ARHGAP15: variants seen among roughly 807,000 people sequenced by gnomAD.
ARHGAP15 encodes the protein rho GTPase-activating protein 15.
In ARHGAP15, 51 loss-of-function variants were observed where a neutral mutation model predicts 63.7. That is an observed-to-expected ratio of 0.80 (90% CI 0.64 to 1.01). The LOEUF (loss-of-function observed/expected upper bound fraction) is 1.01. Ranked by LOEUF, ARHGAP15 falls within the 50% of genes least tolerant of loss-of-function variation. ARHGAP15 has a pLI of 0.00. For missense variants in ARHGAP15, 560 were observed against 564.6 expected, an observed-to-expected ratio of 0.99 and a Z score of 0.08; for synonymous variants, 191 against 193.8, an observed-to-expected ratio of 0.99 and a Z score of 0.12.
intron 8 of ARHGAP15, among the ~76,000 whole-genome samples, chr2:143,466,218 T>C (rs910067660): frequency 1.3e-5 from 2 of 152,084 alleles, no homozygotes; most frequent in Non-Finnish European, 2.9e-5. Context: ...TACTTCTATA[T>C]AGGAGGACAA....
chr2:143,672,413 C>A (rs73961828), intron 12 of ARHGAP15, among the ~76,000 whole-genome samples: 7,426 of 152,200 alleles, frequency 0.049, 626 homozygotes, highest in African/African-American at 0.17. Context: ...AAGAGCCCAA[C>A]TATGAGACAA....
intron 11 of ARHGAP15, among the ~76,000 whole-genome samples, chr2:143,566,482 T>A (rs559947369): frequency 2.6e-5 from 4 of 152,170 alleles, no homozygotes; most frequent in African/African-American, 9.6e-5. Context: ...GCATGGACAT[T>A]GCAATCTATC....
rs1553520615 is a variant in ARHGAP15, at chr2:143,673,758, G to GTGTATATATATATATATA, written c.1139-29660_1139-29659insGTATATATATATATATAT. ...TGTGTGTGTGTGTGTGTGTGTGTGT[G>GTGTATATATATATATATA]TATATATATATATATATATATATAT... is the stretch of plus-strand genomic sequence containing the variant. On this transcript the variant is annotated intron_variant, in intron 12 of 13. Transcript: ENST00000295095. Among the ~76,000 whole-genome samples, 88 of 22,104 alleles carry GTGTATATATATATATATA rather than the reference G, an allele frequency of 4.0e-3. 1 individual carries two copies. Among genetic ancestry groups the GTGTATATATATATATATA allele is most frequent in the South Asian group, 8.2e-3 (2 of 244 alleles). 14.5% of individuals were successfully genotyped at this position (22,104 alleles called of 152,430 possible).
intron 9 of ARHGAP15, among the ~76,000 whole-genome samples, chr2:143,487,738 C>G (rs150905583): frequency 6.6e-6 from 1 of 152,218 alleles, no homozygotes; most frequent in Admixed American, 6.5e-5. Flanking sequence ...GATCTGTGTT[C>G]TGCACTAGGA....
chr2:143,255,540 A>T (rs1405932028), intron 6 of ARHGAP15, among the ~76,000 whole-genome samples: 1 of 152,044 alleles, frequency 6.6e-6, no homozygotes, highest in African/African-American at 2.4e-5. Context: ...GATCTTTCTG[A>T]TCTGAATATG....
At chr2:143,368,459 A>G (rs1383301706) in intron 6 of ARHGAP15, among the ~76,000 whole-genome samples, 1 of 152,050 alleles carries the variant, frequency 6.6e-6, no homozygotes, top group Non-Finnish European at 1.5e-5. Flanking sequence ...TTTTACTAAG[A>G]CATTTGGAAT....
intron 6 of ARHGAP15, among the ~76,000 whole-genome samples, chr2:143,347,835 A>T (rs116346399): frequency 0.017 from 2,441 of 142,246 alleles, 64 homozygotes; most frequent in African/African-American, 0.059. Context: ...TTTTTTTGGC[A>T]CCATTTGAAA....
chr2:143,131,009 CA>C (rs1485599473), intron 1 of ARHGAP15, among the ~76,000 whole-genome samples: 3 of 152,000 alleles, frequency 2.0e-5, no homozygotes, highest in Admixed American at 6.5e-5. Context: ...AATGAATATG[CA>C]GATAAACATC....
At chr2:143,532,259 A>G (rs773636120) in intron 10 of ARHGAP15, among the ~76,000 whole-genome samples, 4 of 152,204 alleles carry the variant, frequency 2.6e-5, no homozygotes, top group African/African-American at 7.2e-5. Flanking sequence ...CTTTAATGGG[A>G]ATTTCCTGCC....
At chr2:143,312,212 G>T (rs964884628) in intron 6 of ARHGAP15, among the ~76,000 whole-genome samples, 1 of 152,024 alleles carries the variant, frequency 6.6e-6, no homozygotes, top group Non-Finnish European at 1.5e-5. Flanking sequence ...TTCTATAATG[G>T]CATCTCTGTA....
intron 13 of ARHGAP15, among the ~76,000 whole-genome samples, chr2:143,727,866 A>G (rs935072404): frequency 2.0e-5 from 3 of 152,232 alleles, no homozygotes; most frequent in African/African-American, 4.8e-5. Flanking sequence ...GTCCTCATTC[A>G]ATATGTTAAC....
At chr2:143,542,163 G>T (rs1266030791) in intron 10 of ARHGAP15, among the ~76,000 whole-genome samples, 1 of 152,208 alleles carries the variant, frequency 6.6e-6, no homozygotes, top group Non-Finnish European at 1.5e-5. Flanking sequence ...CGTGGGCGTA[G>T]GACCCTCCGA....
intron 10 of ARHGAP15, among the ~76,000 whole-genome samples, chr2:143,521,249 C>T (rs1411761850): frequency 1.3e-5 from 2 of 152,156 alleles, no homozygotes; most frequent in African/African-American, 4.8e-5. Context: ...TTGGCAGCAT[C>T]AGCTTAAAGG....
intron 11 of ARHGAP15, among the ~76,000 whole-genome samples, chr2:143,618,539 CTT>C (rs1257994408): frequency 5.3e-5 from 8 of 152,160 alleles, no homozygotes; most frequent in Non-Finnish European, 8.8e-5. Flanking sequence ...GCTAGGGTGT[CTT>C]TTCCTCTTTT....
chr2:143,756,378 A>G (rs1686577046), intron 13 of ARHGAP15, among the ~76,000 whole-genome samples: 1 of 152,202 alleles, frequency 6.6e-6, no homozygotes, highest in South Asian at 2.1e-4. Context: ...AGCACATACT[A>G]GTTTTTAAAT....
intron 13 of ARHGAP15, among the ~76,000 whole-genome samples, chr2:143,740,616 A>T (rs541116709): frequency 1.1e-4 from 17 of 152,340 alleles, no homozygotes; most frequent in African/African-American, 3.8e-4. Context: ...GGTGGTGCTA[A>T]CAAGCGCAGT....
chr2:143,758,380 T>G (rs1157030506), intron 13 of ARHGAP15, among the ~76,000 whole-genome samples: 1 of 151,842 alleles, frequency 6.6e-6, no homozygotes, highest in Non-Finnish European at 1.5e-5. Context: ...TGAAGAAATT[T>G]GACTAGGAAA....
chr2:143,568,695 T>C (rs1263587068), intron 11 of ARHGAP15, among the ~76,000 whole-genome samples: 1 of 152,218 alleles, frequency 6.6e-6, no homozygotes, highest in African/African-American at 2.4e-5. Flanking sequence ...ATCATGTTAC[T>C]ATAAAGACAC....
chr2:143,367,459 C>T (rs1466199100), intron 6 of ARHGAP15, among the ~76,000 whole-genome samples: 1 of 150,904 alleles, frequency 6.6e-6, no homozygotes, highest in Non-Finnish European at 1.5e-5. Flanking sequence ...ACTTATCCTG[C>T]ATATTGCTCT....
Sources: allele counts gnomAD v4.1 joint callset (sites outside exome capture counted in the v4.1 genomes callset), GRCh38; gene constraint gnomAD v4.1.1; transcripts MANE v1.5; gene names NCBI Gene and HGNC (gene_info 2026-07-23, HGNC 2026-07-21).